MROH1: variants seen among roughly 807,000 people sequenced by gnomAD.
MROH1 encodes maestro heat-like repeat-containing protein family member 1.
Under a neutral mutation model 116.5 loss-of-function variants are expected in MROH1, and 117 were observed. That is an observed-to-expected ratio of 1.00 (90% CI 0.86 to 1.17). The LOEUF (loss-of-function observed/expected upper bound fraction) is 1.17, where lower values mean the gene tolerates loss of function less well. Among genes scored for constraint, MROH1 ranks in the 50% most tolerant of loss-of-function variants. MROH1 has a pLI of 0.00. For missense variants in MROH1, 1,873 were observed against 1,338.5 expected (o/e 1.40, Z -6.23); for synonymous variants, 921 against 583.9 (o/e 1.58, Z -8.32).
At chr8:144,250,545 C>T (rs1004341108) in intron 33 of MROH1, 179 bp downstream of exon 33, 12 of 674,488 alleles carry the variant, frequency 1.8e-5, no homozygotes, top group Middle Eastern at 3.8e-4. Context: ...CAGGTACCCA[C>T]GGGGACCTCT....
chr8:144,244,516 C>A lies in MROH1; in HGVS notation c.2743C>A (p.Gln915Lys). ...CCTCCTGCAGCGGAACATGACCCCC[C>A]AAGGCCTGCAGATCATGATTGAGGT... The part of the protein sequence containing the change: ...TSLLQRNMTP[Q>K]GLQIMIEHLS... The change falls in exon 28 of 44, where the codon CAA becomes AAA. Residue 915 changes from glutamine to lysine, a missense_variant. Physicochemically the swap from Gln to Lys is moderately conservative, Grantham distance 53 (BLOSUM62 1). Coordinates refer to ENST00000326134, the MANE Select transcript of MROH1 (RefSeq NM_032450.3). 1.3e-6 allele frequency: 1 copy of A among 770,420 alleles called. No homozygotes were observed. The highest frequency in any genetic ancestry group is 2.4e-6 in the Non-Finnish European group (1 of 413,074). The allele number at this position is 770,420 out of a possible 1,614,324, so 47.7% of individuals were successfully genotyped here. A position where few individuals can be genotyped will look rare whatever the true frequency, so the allele number is the denominator to read the frequency against.
chr8:144,221,021 G>C (rs1254299965), intron 13 of MROH1, among the ~76,000 whole-genome samples: 2 of 152,160 alleles, frequency 1.3e-5, no homozygotes, highest in Non-Finnish European at 2.9e-5. Flanking sequence ...CATCAGCCAT[G>C]GTTGGGGTGC....
At chr8:144,160,326 C>T (rs1427385320) in intron 1 of MROH1, among the ~76,000 whole-genome samples, 1 of 152,166 alleles carries the variant, frequency 6.6e-6, no homozygotes, top group Non-Finnish European at 1.5e-5. Flanking sequence ...TGACGCTTTC[C>T]ACACTTTCCA....
intron 4 of MROH1, among the ~76,000 whole-genome samples, chr8:144,170,033 A>C (rs993151816): frequency 6.6e-6 from 1 of 152,158 alleles, no homozygotes; most frequent in Non-Finnish European, 1.5e-5. Context: ...GGGTTTCACC[A>C]TGTTGCCCAT....
intron 4 of MROH1, 105 bp downstream of exon 4, chr8:144,168,545 T>A (rs2131006271): frequency 1.5e-6 from 2 of 1,377,798 alleles, no homozygotes; most frequent in East Asian, 4.7e-5. Context: ...GGTCGGGTGT[T>A]ACGCAGGGGT....
In MROH1 at chr8:144,254,856, C is replaced by T. The variant is rs1843421651; in HGVS notation, c.3472C>T (p.Leu1158=). Residue 1158 remains leucine (L), a synonymous_variant, in exon 34 of 44, where the codon CTA becomes TTA. Transcript: ENST00000326134. ...LWRALAVEPR[L]AAQVLGLLLE... is the part of the protein sequence containing the mutation. ...GCGGGCGCTGGCGGTGGAGCCTCGCCTAGCTGCCCAGGTCCTGGGGCTGCT... is the reference window on the plus strand; with the variant it reads ...GCGGGCGCTGGCGGTGGAGCCTCGCTTAGCTGCCCAGGTCCTGGGGCTGCT... 7 of 777,746 alleles carry T rather than the reference C, an allele frequency of 9.0e-6. No homozygotes were observed. Among genetic ancestry groups the T allele is most frequent in the South Asian group, 6.7e-5 (5 of 74,524 alleles). The allele number at this position is 777,746 out of a possible 1,614,324, so 48.2% of individuals were successfully genotyped here. A position where few individuals can be genotyped will look rare whatever the true frequency, so the allele number is the denominator to read the frequency against.
At chr8:144,178,495 C>G (rs532461672) in intron 4 of MROH1, among the ~76,000 whole-genome samples, 1 of 152,164 alleles carries the variant, frequency 6.6e-6, no homozygotes, top group East Asian at 1.9e-4. Flanking sequence ...TCTTGAACCC[C>G]TGACATCAGG....
chr8:144,238,092 ATGTT>A (rs1250567034), intron 14 of MROH1, among the ~76,000 whole-genome samples: 9,127 of 150,640 alleles, frequency 0.061, 936 homozygotes, highest in African/African-American at 0.21. Context: ...TTCAAAGTGT[ATGTT>A]TGGTATGAAG....
In MROH1 at chr8:144,163,963, C is replaced by A; in HGVS notation, c.22+115C>A. ...TGGTGCCTAGAGTTTCCACCCTATA[C>A]TCGGGAGCCTGAGTGGGTTCTGGGC... On this transcript the variant is annotated intron_variant, in intron 3 of 43. Transcript: ENST00000326134. The surrounding 1 kb of genome is among the most constrained non-coding windows in gnomAD (Gnocchi z 4.4). 9.0e-7 allele frequency: 1 copy of A among 1,109,744 alleles called. No homozygotes were observed. The highest frequency in any genetic ancestry group is 1.3e-6 in the Non-Finnish European group (1 of 769,348). The allele number at this position is 1,109,744 out of a possible 1,614,324, so 68.7% of individuals were successfully genotyped here. A position where few individuals can be genotyped will look rare whatever the true frequency, so the allele number is the denominator to read the frequency against.
chr8:144,163,836 T>G lies in MROH1; in HGVS notation c.10T>G (p.Ser4Ala), dbSNP rs757275305. ...AGCTGAAACCACAGACATGACTGAG[T>G]CCTCCATGAAGAGTGAGTGCATGGG... Reference protein sequence around the residue: MTESSMKKLASTLL... With the variant: MTEASMKKLASTLL... The change falls in exon 3 of 44, where the codon TCC becomes GCC. Residue 4 changes from serine (S) to alanine (A), a missense_variant. Transcript: ENST00000326134. This position sits in a 1 kb window ranked among gnomAD's most constrained non-coding sequence, Gnocchi z 4.4. 8.1e-6 allele frequency: 13 copies of G among 1,613,246 alleles called. No homozygotes were observed. The South Asian group carries it at 1.1e-4, about 14-fold the overall frequency.
intron 12 of MROH1, among the ~76,000 whole-genome samples, chr8:144,207,553 T>A (rs1192583991): frequency 6.6e-6 from 1 of 152,068 alleles, no homozygotes; most frequent in Non-Finnish European, 1.5e-5. Flanking sequence ...TTACCCAGGC[T>A]AGAGTGCAGT....
At chr8:144,244,015 C>G in intron 26 of MROH1, 73 bp downstream of exon 26, 2 of 745,796 alleles carry the variant, frequency 2.7e-6, no homozygotes, top group Non-Finnish European at 5.0e-6. Flanking sequence ...TGTGTGTGCA[C>G]GTGTATGCGC....
chr8:144,229,764 C>G (rs1260761635), intron 14 of MROH1, among the ~76,000 whole-genome samples: 1 of 152,064 alleles, frequency 6.6e-6, no homozygotes, highest in Non-Finnish European at 1.5e-5. Context: ...GCAGTCATTA[C>G]AGCTTATGCC....
chr8:144,184,058 G>A (rs1279497746), intron 7 of MROH1, among the ~76,000 whole-genome samples: 1 of 152,168 alleles, frequency 6.6e-6, no homozygotes, highest in Non-Finnish European at 1.5e-5. Context: ...ACCCTGGGAG[G>A]TAGTCTGTTT....
chr8:144,221,944 G>A, intron 13 of MROH1, among the ~76,000 whole-genome samples: 1 of 152,186 alleles, frequency 6.6e-6, no homozygotes, highest in East Asian at 1.9e-4. Context: ...CCATGGCTCA[G>A]GGGAAGGGCT....
intron 1 of MROH1, among the ~76,000 whole-genome samples, chr8:144,153,025 C>T (rs1817216958): frequency 1.3e-5 from 2 of 152,168 alleles, no homozygotes; most frequent in African/African-American, 2.4e-5. Flanking sequence ...CCCTAGTCCT[C>T]CACCTCTGCC....
intron 12 of MROH1, among the ~76,000 whole-genome samples, chr8:144,212,472 G>A (rs1267454140): frequency 6.6e-6 from 1 of 151,718 alleles, no homozygotes; most frequent in Non-Finnish European, 1.5e-5. Flanking sequence ...TCAGTAGACA[G>A]AGCTAGGAAA....
intron 10 of MROH1, among the ~76,000 whole-genome samples, chr8:144,198,191 C>A (rs549899250): frequency 6.6e-6 from 1 of 152,180 alleles, no homozygotes; most frequent in Non-Finnish European, 1.5e-5. Context: ...CCCTGTGGGC[C>A]TGGGGCCTTT....
chr8:144,202,481 C>G (rs1189132064), intron 12 of MROH1, among the ~76,000 whole-genome samples: 1 of 128,514 alleles, frequency 7.8e-6, no homozygotes, highest in Non-Finnish European at 1.6e-5. Context: ...AGCGCAGGCT[C>G]TCTGTGGAGA....
Sources: allele counts gnomAD v4.1 joint callset (sites outside exome capture counted in the v4.1 genomes callset), GRCh38; gene constraint gnomAD v4.1.1; non-coding constraint Gnocchi (gnomAD v3.1); transcripts MANE v1.5; gene names NCBI Gene and HGNC (gene_info 2026-07-23, HGNC 2026-07-21).